Variants in FMN2 observed in about 807,000 individuals in gnomAD.
FMN2 encodes the protein formin-2.
FMN2 carries 51 observed loss-of-function variants against 142.3 expected under a neutral mutation model. That is an observed-to-expected ratio of 0.36 (90% CI 0.29 to 0.45). The LOEUF is 0.45. Ranked by LOEUF, FMN2 falls within the 20% of genes least tolerant of loss-of-function variation. FMN2 has a pLI of 1.00. For synonymous variants in FMN2, 882 were observed against 869.8 expected (o/e 1.01, Z -0.25); for missense variants, 1,936 against 2,122.8 (o/e 0.91, Z 1.73).
chr1:240,410,101 T>C (rs1674342664), intron 15 of FMN2, among the ~76,000 whole-genome samples: 1 of 151,602 alleles, frequency 6.6e-6, no homozygotes, highest in South Asian at 2.1e-4. Context: ...AATTAAAAGA[T>C]GTACAGCAAA....
chr1:240,146,267 G>C (rs1023777899), intron 2 of FMN2, among the ~76,000 whole-genome samples: 2 of 150,542 alleles, frequency 1.3e-5, no homozygotes, highest in Non-Finnish European at 2.9e-5. Context: ...GGTGGTATGT[G>C]CCTATAGTCC....
At chr1:240,365,035 T>G (rs1672616267) in intron 14 of FMN2, among the ~76,000 whole-genome samples, 1 of 152,236 alleles carries the variant, frequency 6.6e-6, no homozygotes, top group African/African-American at 2.4e-5. Flanking sequence ...CATAATGGAA[T>G]GTAAGTCTTC....
intron 16 of FMN2, among the ~76,000 whole-genome samples, chr1:240,451,995 T>C (rs544655047): frequency 6.6e-6 from 1 of 151,506 alleles, no homozygotes; most frequent in Non-Finnish European, 1.5e-5. Flanking sequence ...ATCGAGACCA[T>C]CCTGGCTAAC....
chr1:240,208,636 G>A lies in FMN2; in HGVS notation c.3824G>A (p.Gly1275Glu), dbSNP rs371426944. 1.1e-5 allele frequency: 18 copies of A among 1,613,848 alleles called. No homozygotes were observed. The highest frequency in any genetic ancestry group is 1.4e-5 in the Non-Finnish European group (17 of 1,180,022). ...TTGCCAAGTGGCTTGTTTGGATTAG[G>A]GATGAATCAGGACAAAGGGAGTAGG... ...PPLPSGLFGLGMNQDKGSRKQ... is the reference protein window; with the variant it reads ...PPLPSGLFGLEMNQDKGSRKQ... Residue 1275 changes from glycine (G) to glutamate (E), a missense_variant, in exon 5 of 18, where the codon GGG becomes GAG. Physicochemically the swap from Gly to Glu is moderately conservative, Grantham distance 98. Transcript: ENST00000319653.
At chr1:240,152,733 A>G (rs892288901) in intron 2 of FMN2, among the ~76,000 whole-genome samples, 1 of 152,218 alleles carries the variant, frequency 6.6e-6, no homozygotes, top group East Asian at 1.9e-4. Context: ...TTGCTGCTCT[A>G]CTAAGCAGAT....
At chr1:240,195,152 G>A (rs1446677333) in intron 4 of FMN2, among the ~76,000 whole-genome samples, 5 of 152,080 alleles carry the variant, frequency 3.3e-5, no homozygotes, top group African/African-American at 1.2e-4. Flanking sequence ...CATTTATTTG[G>A]AGCCCCCAAA....
intron 4 of FMN2, among the ~76,000 whole-genome samples, chr1:240,205,870 T>TAACA (rs1666329951): frequency 6.7e-6 from 1 of 149,078 alleles, no homozygotes; most frequent in Non-Finnish European, 1.5e-5. Context: ...CCCCATATGT[T>TAACA]GGCCAGTTGT....
chr1:240,335,514 A>G (rs537494700), intron 13 of FMN2, among the ~76,000 whole-genome samples: 16 of 152,180 alleles, frequency 1.1e-4, no homozygotes, highest in Non-Finnish European at 2.2e-4. Flanking sequence ...TGAAATTTAC[A>G]CACACTATGA....
At chr1:240,346,500 G>A (rs1014970820) in intron 13 of FMN2, among the ~76,000 whole-genome samples, 1 of 152,114 alleles carries the variant, frequency 6.6e-6, no homozygotes, top group African/African-American at 2.4e-5. Context: ...AGGGATAGCC[G>A]GGGGATGAGA....
intron 14 of FMN2, among the ~76,000 whole-genome samples, chr1:240,375,109 G>A (rs1330485801): frequency 1.3e-5 from 2 of 152,268 alleles, no homozygotes; most frequent in African/African-American, 4.8e-5. Flanking sequence ...GTGGAGAAGT[G>A]AGAACACGAA....
At chr1:240,386,083 T>C (rs191857297) in intron 14 of FMN2, among the ~76,000 whole-genome samples, 13 of 152,330 alleles carry the variant, frequency 8.5e-5, no homozygotes, top group African/African-American at 2.4e-4. Context: ...GACTTAGTTA[T>C]TTCTCTTGCA....
At chr1:240,238,469 C>T (rs1270126602) in intron 6 of FMN2, among the ~76,000 whole-genome samples, 1 of 152,146 alleles carries the variant, frequency 6.6e-6, no homozygotes, top group Non-Finnish European at 1.5e-5. Context: ...GTATTAGAAA[C>T]CACTGACACA....
chr1:240,280,749 A>G (rs1669368263), intron 7 of FMN2, among the ~76,000 whole-genome samples: 1 of 152,134 alleles, frequency 6.6e-6, no homozygotes, highest in African/African-American at 2.4e-5. Context: ...AATAAACACT[A>G]TCTGGGAATA....
chr1:240,356,392 C>G (rs1256605984), intron 14 of FMN2, among the ~76,000 whole-genome samples: 1 of 151,814 alleles, frequency 6.6e-6, no homozygotes, highest in African/African-American at 2.4e-5. Flanking sequence ...ATGGGATACG[C>G]CAATACCTCT....
intron 8 of FMN2, among the ~76,000 whole-genome samples, chr1:240,313,101 TG>T (rs1670649642): frequency 6.6e-6 from 1 of 152,216 alleles, no homozygotes; most frequent in Non-Finnish European, 1.5e-5. Flanking sequence ...GCTTTTTAGA[TG>T]ACCAGTTACC....
chr1:240,409,408 T>TGCAG (rs1293144658), intron 15 of FMN2, among the ~76,000 whole-genome samples: 1 of 152,166 alleles, frequency 6.6e-6, no homozygotes. Context: ...CCTCCCAAAG[T>TGCAG]GCAGGGATTA....
At chr1:240,264,990 T>G (rs769441424) in intron 7 of FMN2, among the ~76,000 whole-genome samples, 9 of 152,134 alleles carry the variant, frequency 5.9e-5, no homozygotes, top group Non-Finnish European at 8.8e-5. Flanking sequence ...TTTATCTCCA[T>G]AGGGCCAGAA....
Position 240,333,749 on chromosome 1 carries a change from A to G in FMN2, c.4585-138A>G, listed in dbSNP as rs181966847. 8.6e-4 allele frequency: 570 copies of G among 666,318 alleles called. 1 individual carries two copies. Among genetic ancestry groups the G allele is most frequent in the Non-Finnish European group, 6.2e-5 (26 of 416,826 alleles). 41.3% of individuals were successfully genotyped at this position (666,318 alleles called of 1,614,324 possible). A position where few individuals can be genotyped will look rare whatever the true frequency, so the allele number is the denominator to read the frequency against. On this transcript the variant is annotated intron_variant, in intron 11 of 17. Transcript: ENST00000319653. ...CTCCTTAGACACAATGGCCAAGACA[A>G]TCCAAAATGTAAAATTTCACATTTC...
intron 1 of FMN2, among the ~76,000 whole-genome samples, chr1:240,101,113 C>T (rs572603571): frequency 5.3e-5 from 8 of 152,118 alleles, no homozygotes; most frequent in Non-Finnish European, 7.4e-5. Flanking sequence ...TTCCCTTTTC[C>T]GTTTTACCAC....
Sources: gnomAD v4.1 joint callset for allele counts (sites outside exome capture counted in the v4.1 genomes callset) on GRCh38, gnomAD v4.1.1 for gene constraint, MANE v1.5 for transcripts, NCBI Gene and HGNC (gene_info 2026-07-23, HGNC 2026-07-21) for gene names.